Variants in NBAS observed in about 807,000 individuals in gnomAD.
The protein encoded by NBAS is NBAS subunit of NRZ tethering complex.
Under a neutral mutation model 302.5 loss-of-function variants are expected in NBAS, and 219 were observed. The ratio of observed to expected loss-of-function variants is 0.72; its 90% CI spans 0.65 to 0.81. The LOEUF is 0.81. Ranked by LOEUF, NBAS falls within the 30% of genes least tolerant of loss-of-function variation. The pLI is 0.00. For missense variants in NBAS, 2,932 were observed against 2,841.6 expected (o/e 1.03, Z -0.72); for synonymous variants, 1,118 against 1,021.6 (o/e 1.09, Z -1.80).
At chr2:15,096,930 G>C in the NBAS span, among the ~76,000 whole-genome samples, 4 of 152,202 alleles carry the variant, frequency 2.6e-5, no homozygotes, top group African/African-American at 9.7e-5. Context: ...ATAGACTCAG[G>C]GACTGAAGCA....
intron 47 of NBAS, among the ~76,000 whole-genome samples, chr2:15,224,774 C>T (rs530012359): frequency 5.3e-5 from 8 of 152,118 alleles, no homozygotes; most frequent in African/African-American, 1.2e-4. Flanking sequence ...TATATACAAG[C>T]GAGCTAACAG....
chr2:14,791,909 T>C, the NBAS span, among the ~76,000 whole-genome samples: 8 of 152,188 alleles, frequency 5.3e-5, no homozygotes, highest in Admixed American at 4.6e-4. Flanking sequence ...AGCAGCCTGA[T>C]CCCGAAAACA....
intron 40 of NBAS, among the ~76,000 whole-genome samples, chr2:15,300,312 G>A (rs556804219): frequency 6.6e-6 from 1 of 152,312 alleles, no homozygotes; most frequent in African/African-American, 2.4e-5. Flanking sequence ...TTCACTGGGT[G>A]TTATTATGTG....
chr2:14,887,824 C>CA, the NBAS span, among the ~76,000 whole-genome samples: 7,033 of 152,300 alleles, frequency 0.046, 223 homozygotes, highest in Non-Finnish European at 0.075. Context: ...AAGCCTCCCA[C>CA]AGTCTGGCCA....
chr2:15,099,014 T>G, the NBAS span, among the ~76,000 whole-genome samples: 2 of 151,940 alleles, frequency 1.3e-5, no homozygotes. Context: ...TATATCTATA[T>G]CAAGATTTTA....
intron 6 of NBAS, among the ~76,000 whole-genome samples, chr2:15,540,990 C>G (rs1156807551): frequency 6.6e-6 from 1 of 152,116 alleles, no homozygotes; most frequent in Non-Finnish European, 1.5e-5. Context: ...TCCCAAAGTG[C>G]TGGAATTACA....
chr2:15,271,388 C>G (rs1354306557), intron 44 of NBAS, among the ~76,000 whole-genome samples: 1 of 152,128 alleles, frequency 6.6e-6, no homozygotes, highest in Admixed American at 6.5e-5. Flanking sequence ...TTTTCTGCTA[C>G]AATCCAAAGG....
the NBAS span, among the ~76,000 whole-genome samples, chr2:14,983,525 C>T: frequency 6.6e-6 from 1 of 152,152 alleles, no homozygotes; most frequent in African/African-American, 2.4e-5. Context: ...AAAACAACTC[C>T]AGGCATGTAA....
intron 40 of NBAS, among the ~76,000 whole-genome samples, chr2:15,307,612 G>A (rs1671086654): frequency 2.0e-5 from 3 of 152,136 alleles, no homozygotes; most frequent in African/African-American, 7.2e-5. Context: ...ACAAGTACTT[G>A]GAAGGATTTT....
the NBAS span, among the ~76,000 whole-genome samples, chr2:14,977,544 T>C: frequency 6.6e-6 from 1 of 152,246 alleles, no homozygotes; most frequent in South Asian, 2.1e-4. Context: ...TTAATTTTCT[T>C]CTGAACTGTA....
At chr2:15,334,388 C>T (rs1325742952) in intron 35 of NBAS, among the ~76,000 whole-genome samples, 1 of 152,052 alleles carries the variant, frequency 6.6e-6, no homozygotes, top group East Asian at 1.9e-4. Context: ...TGGAGTTTCA[C>T]CGTGTTAGCC....
rs771888431 is a variant in NBAS at position 15,556,764 on chromosome 2, T to C, written c.209+19A>G. On this transcript the variant is annotated intron_variant, in intron 3 of 51. Coordinates refer to ENST00000281513, the MANE Select transcript of NBAS (RefSeq NM_015909.4). ...ATATTTGATGTTCATACTGTTTCTC[T>C]GAAGAACCGAAGACTCACCTGTACC... 1.2e-5 allele frequency: 19 copies of C among 1,588,704 alleles called. No homozygotes were observed. Among genetic ancestry groups the C allele is most frequent in the East Asian group, 9.0e-5 (4 of 44,626 alleles).
chr2:15,502,522 T>A (rs1031793025), intron 11 of NBAS, among the ~76,000 whole-genome samples: 1 of 152,258 alleles, frequency 6.6e-6, no homozygotes, highest in East Asian at 1.9e-4. Context: ...GCCATGAACC[T>A]GCTCAGCATG....
chr2:15,072,973 C>A, the NBAS span, among the ~76,000 whole-genome samples: 1 of 152,008 alleles, frequency 6.6e-6, no homozygotes, highest in South Asian at 2.1e-4. Flanking sequence ...TACAAAAATA[C>A]AAAAATCAGC....
the NBAS span, among the ~76,000 whole-genome samples, chr2:14,823,414 A>G: frequency 6.6e-6 from 1 of 152,238 alleles, no homozygotes. Flanking sequence ...TATAAAGCAG[A>G]AAAAAACTCT....
chr2:14,839,054 A>T, the NBAS span, among the ~76,000 whole-genome samples: 1 of 152,020 alleles, frequency 6.6e-6, no homozygotes, highest in East Asian at 1.9e-4. Flanking sequence ...TCTGGTTCCA[A>T]AATGGCAGTG....
intron 26 of NBAS, chr2:15,397,395 C>T: frequency 6.7e-6 from 2 of 300,398 alleles, no homozygotes; most frequent in South Asian, 5.4e-5. Flanking sequence ...TATTTTTCTC[C>T]AGAGAATAAT....
intron 41 of NBAS, among the ~76,000 whole-genome samples, chr2:15,292,285 A>G (rs140124239): frequency 0.017 from 2,661 of 152,328 alleles, 37 homozygotes; most frequent in Middle Eastern, 0.031. Context: ...ACACCCATCC[A>G]AAAATCATTA....
the NBAS span, among the ~76,000 whole-genome samples, chr2:14,858,576 C>T: frequency 8.7e-4 from 132 of 152,122 alleles, no homozygotes; most frequent in African/African-American, 2.7e-3. Flanking sequence ...AGACAAACTT[C>T]GCATCAACTC....
Sources: gnomAD v4.1 joint callset for allele counts (sites outside exome capture counted in the v4.1 genomes callset) on GRCh38, gnomAD v4.1.1 for gene constraint, MANE v1.5 for transcripts, NCBI Gene and HGNC (gene_info 2026-07-23, HGNC 2026-07-21) for gene names.